RAB29: variants seen among roughly 807,000 people sequenced by gnomAD.
RAB29 encodes the protein ras-related protein Rab-29.
RAB29 carries 13 observed loss-of-function variants against 25.5 expected under a neutral mutation model. That is an observed-to-expected ratio of 0.51 (90% confidence interval 0.33 to 0.81). RAB29 has a LOEUF of 0.81. Ranked by LOEUF, RAB29 falls within the 30% of genes least tolerant of loss-of-function variation. RAB29 has a pLI of 0.02. For synonymous variants in RAB29, 88 were observed against 95.0 expected (o/e 0.93, Z 0.43); for missense variants, 201 against 254.9 (o/e 0.79, Z 1.44).
Position 205,772,512 on chromosome 1 carries a change from C to G in RAB29, c.180G>C (p.Gln60His), listed in dbSNP as rs1436367657. 2 of 1,614,056 alleles carry G rather than the reference C, an allele frequency of 1.2e-6. No homozygotes were observed. The highest frequency in any genetic ancestry group is 1.7e-6 in the Non-Finnish European group (2 of 1,179,954). The change falls in exon 3 of 6, where the codon CAG (glutamine) becomes CAC (histidine). Residue 60 changes from glutamine (Q) to histidine (H), a missense_variant. Physicochemically the swap from Gln to His is conservative, Grantham distance 24. Coordinates refer to ENST00000367139, the MANE Select transcript of RAB29 (RefSeq NM_003929.3). ...CCACTTTACCTGCAATATCCCACAG[C>G]TGAAGCCGCACTATCTCGTAGTCAG... Reference protein sequence around the residue: ...QWSDYEIVRLQLWDIAGQERF... With the variant: ...QWSDYEIVRLHLWDIAGQERF...
chr1:205,771,602 G>A lies in RAB29; in HGVS notation c.248C>T (p.Ala83Val). 6.2e-7 allele frequency: 1 copy of A among 1,614,124 alleles called. No homozygotes were observed. The highest frequency in any genetic ancestry group is 1.7e-5 in the Admixed American group (1 of 60,024). Residue 83 changes from alanine (A) to valine (V), a missense_variant, in exon 4 of 6, where the codon GCC becomes GTC. Transcript: ENST00000367139. ...GGTAACGTCAAACATAATAACACAG[G>A]CAGAGGCATCCCGATAATACAATCG... Reference protein sequence around the residue: ...MTRLYYRDASACVIMFDVTNA... With the variant: ...MTRLYYRDASVCVIMFDVTNA...
chr1:205,771,759 TC>T (rs1054185607), intron 3 of RAB29, 106 bp from the exon 4 acceptor site: 25 of 1,125,608 alleles, frequency 2.2e-5, no homozygotes, highest in Middle Eastern at 2.7e-4. Context: ...CCACTCACTT[TC>T]CCCCTCTGAC....
chr1:205,770,579 A>G (rs1654935902), intron 5 of RAB29, 126 bp from the exon 6 acceptor site: 1 of 1,411,706 alleles, frequency 7.1e-7, no homozygotes, highest in African/African-American at 1.4e-5. Flanking sequence ...CTTTGTCCCC[A>G]GTTATCTCAG....
At chr1:205,771,946 C>CG (rs1655047811) in intron 3 of RAB29, among the ~76,000 whole-genome samples, 1 of 118,008 alleles carries the variant, frequency 8.5e-6, no homozygotes, top group East Asian at 2.5e-4. Context: ...AAAGCAGTCG[C>CG]TTTTTTTTTT....
chr1:205,775,323 C>A lies in RAB29; in HGVS notation c.-181G>T. The stretch of plus-strand genomic sequence containing the variant: ...GTCAGTGACTGAATCCCAGTCAGCT[C>A]CTTACACCACTGGGGCCAGATGATG... On this transcript the variant is annotated 5_prime_UTR_variant, in exon 1 of 6. Coordinates refer to ENST00000367139, the MANE Select transcript of RAB29 (RefSeq NM_003929.3). The A allele has an allele frequency of 4.5e-6, 1 of 224,160 alleles. No individual in the cohort carries two copies. The highest frequency in any genetic ancestry group is 8.9e-6 in the Non-Finnish European group (1 of 112,732). The allele number at this position is 224,160 out of a possible 1,614,324, so 13.9% of individuals were successfully genotyped here.
At chr1:205,774,747 TC>T in intron 2 of RAB29, 85 bp downstream of exon 2, 1 of 1,418,500 alleles carries the variant, frequency 7.0e-7, no homozygotes, top group Non-Finnish European at 9.7e-7. Flanking sequence ...CGACAGCAAA[TC>T]CCCACCCCAC....
At chr1:205,771,298 C>CAA (rs35188989) in intron 4 of RAB29, 174 bp downstream of exon 4, 6,845 of 628,802 alleles carry the variant, frequency 0.011, 2 homozygotes, top group East Asian at 0.034. Flanking sequence ...GACTCCGTCT[C>CAA]AAAAAAAAAA....
chr1:205,772,439 G>A, intron 3 of RAB29, 57 bp downstream of exon 3: 2 of 1,549,190 alleles, frequency 1.3e-6, no homozygotes, highest in Non-Finnish European at 1.8e-6. Flanking sequence ...TTTCCTCAGA[G>A]CTTTCTAGTT....
chr1:205,770,482 C>T (rs1436074230), intron 5 of RAB29, 29 bp from the exon 6 acceptor site: 1 of 1,590,756 alleles, frequency 6.3e-7, no homozygotes, highest in Admixed American at 1.7e-5. Flanking sequence ...GCCTGAGAAG[C>T]TTATTTTGGA....
Position 205,770,289 on chromosome 1 carries a change from G to T in RAB29, c.*53C>A. 1.4e-6 allele frequency: 2 copies of T among 1,466,770 alleles called. No homozygotes were observed. Among genetic ancestry groups the T allele is most frequent in the Non-Finnish European group, 9.5e-7 (1 of 1,047,348 alleles). 90.9% of individuals were successfully genotyped at this position (1,466,770 alleles called of 1,614,324 possible). On this transcript the variant is annotated 3_prime_UTR_variant, in exon 6 of 6. Transcript: ENST00000367139. ...AAATTGTCAGGTGGGCAACCAAAGG[G>T]AAGAGACTTAAAAGACCTCCCAGAA...
chr1:205,770,951 A>G, intron 4 of RAB29, 97 bp from the exon 5 acceptor site: 1 of 1,415,588 alleles, frequency 7.1e-7, no homozygotes, highest in East Asian at 2.4e-5. Flanking sequence ...TATTTCCACC[A>G]ATGGATAAGA....
chr1:205,775,259 G>A lies in RAB29; in HGVS notation c.-131+14C>T. On this transcript the variant is annotated intron_variant, in intron 1 of 5. Coordinates refer to ENST00000367139, the MANE Select transcript of RAB29 (RefSeq NM_003929.3). ...GCCGAGAAACTGGACCAGGCGCCGC[G>A]GAACCTCACCCACCGGGACTTCCCC... 2 of 335,898 alleles carry A rather than the reference G, an allele frequency of 6.0e-6. No individual in the cohort carries two copies. Among genetic ancestry groups the A allele is most frequent in the South Asian group, 3.3e-5 (1 of 30,008 alleles). 20.8% of individuals were successfully genotyped at this position (335,898 alleles called of 1,614,324 possible). A position where few individuals can be genotyped will look rare whatever the true frequency, so the allele number is the denominator to read the frequency against.
intron 2 of RAB29, among the ~76,000 whole-genome samples, chr1:205,773,785 T>C (rs1438883479): frequency 6.6e-6 from 1 of 152,166 alleles, no homozygotes; most frequent in East Asian, 1.9e-4. Flanking sequence ...GGATTGCAAG[T>C]ATGAACCACG....
chr1:205,771,257 C>T (rs1159064588), intron 4 of RAB29: 2 of 606,412 alleles, frequency 3.3e-6, no homozygotes, highest in African/African-American at 1.8e-5. Context: ...CGAGATCGCG[C>T]CACTGCACTC....
At position 205,772,520 on chromosome 1, in the gene RAB29, G is replaced by A. The variant is rs760403207; in HGVS notation, c.172C>T (p.Arg58Trp). 3.0e-5 allele frequency: 48 copies of A among 1,613,550 alleles called. No individual in the cohort carries two copies. Among genetic ancestry groups the A allele is most frequent in the East Asian group, 4.5e-5 (2 of 44,878 alleles). Residue 58 changes from arginine (R) to tryptophan (W), a missense_variant, in exon 3 of 6, where the codon CGG (arginine) becomes TGG (tryptophan). Coordinates refer to ENST00000367139, the MANE Select transcript of RAB29 (RefSeq NM_003929.3). ...VLQWSDYEIV[R>W]LQLWDIAGQE... ...CCTGCAATATCCCACAGCTGAAGCC[G>A]CACTATCTCGTAGTCAGACCACTGG... is the stretch of plus-strand genomic sequence containing the variant.
chr1:205,770,033 A>T lies in RAB29; in HGVS notation c.*309T>A. 1 of 397,974 alleles carries T rather than the reference A, an allele frequency of 2.5e-6. No individual in the cohort carries two copies. The highest frequency in any genetic ancestry group is 4.6e-6 in the Non-Finnish European group (1 of 217,580). The allele number at this position is 397,974 out of a possible 1,614,324, so 24.7% of individuals were successfully genotyped here. A position where few individuals can be genotyped will look rare whatever the true frequency, so the allele number is the denominator to read the frequency against. ...AAGTAGGTGAGAATTATGATCTCTAAAACGCAGGTGCTGATTTCTAATCCT... is the reference window on the plus strand; with the variant it reads ...AAGTAGGTGAGAATTATGATCTCTATAACGCAGGTGCTGATTTCTAATCCT... On this transcript the variant is annotated 3_prime_UTR_variant, in exon 6 of 6. Transcript: ENST00000367139.
rs1655029778 is a variant in RAB29, at chr1:205,771,653, C to T, written c.197G>A (p.Gly66Glu). 1.5e-5 allele frequency: 24 copies of T among 1,613,824 alleles called. No homozygotes were observed. Among genetic ancestry groups the T allele is most frequent in the Non-Finnish European group, 2.0e-5 (24 of 1,179,766 alleles). Residue 66 changes from glycine to glutamate, a missense_variant and splice_region_variant, in exon 4 of 6, where the codon GGG (glycine) becomes GAG (glutamate). Gly to Glu is a moderately conservative substitution (Grantham distance 98). Transcript: ENST00000367139. ...TGTCATAGAGGTGAAGCGCTCCTGC[C>T]CTGGGGAGAAAGGGGAGAGTTCTCA... ...IVRLQLWDIA[G>E]QERFTSMTRL...
rs1338046254 is a variant in RAB29 at position 205,768,230 on chromosome 1, C to A, written c.*2112G>T. On this transcript the variant is annotated 3_prime_UTR_variant, in exon 6 of 6. Transcript: ENST00000367139. ...ACAACAAACCACCGAAGGTTTGGTC[C>A]CTTTTCTCTCTGATATGTGGCCTCT... The A allele has an allele frequency of 6.6e-6, 1 of 152,162 alleles. No homozygotes were observed. The highest frequency in any genetic ancestry group is 2.4e-5 in the African/African-American group (1 of 41,438). 9.4% of individuals were successfully genotyped at this position (152,162 alleles called of 1,614,324 possible).
rs558464731 is a variant in RAB29, at chr1:205,769,911, C to T, written c.*431G>A. ...CCAAGACAGAAAGAATCTGAAACAA[C>T]GGCCTACAAGAAATTTGGGAAATGA... is the stretch of plus-strand genomic sequence containing the variant. On this transcript the variant is annotated 3_prime_UTR_variant, in exon 6 of 6. Transcript: ENST00000367139. The T allele has an allele frequency of 2.3e-4, 47 of 204,276 alleles. No homozygotes were observed. The South Asian group carries it at 3.3e-3, about 14-fold the overall frequency. The allele number at this position is 204,276 out of a possible 1,614,324, so 12.7% of individuals were successfully genotyped here.
Sources: gnomAD v4.1 joint callset for allele counts (sites outside exome capture counted in the v4.1 genomes callset) on GRCh38, gnomAD v4.1.1 for gene constraint, MANE v1.5 for transcripts, NCBI Gene and HGNC (gene_info 2026-07-23, HGNC 2026-07-21) for gene names.